Variants in ASIC2 observed in about 807,000 individuals in gnomAD.
The protein encoded by ASIC2 is acid-sensing ion channel 2.
A neutral mutation model predicts 57.3 loss-of-function variants in ASIC2; 25 were observed. The ratio of observed to expected loss-of-function variants is 0.44; its 90% CI spans 0.32 to 0.61. ASIC2 has a LOEUF of 0.61. Among genes scored for constraint, ASIC2 ranks in the 20% least tolerant of loss-of-function variants. The pLI is 0.06. For synonymous variants in ASIC2, 319 were observed against 307.5 expected (o/e 1.04, Z -0.39); for missense variants, 641 against 738.1 (o/e 0.87, Z 1.52).
At chr17:33,479,294 C>T (rs1034136520) in intron 1 of ASIC2, among the ~76,000 whole-genome samples, 2 of 152,112 alleles carry the variant, frequency 1.3e-5, no homozygotes, top group Non-Finnish European at 2.9e-5. Context: ...CCACCACGTC[C>T]GGCCCCTAGG....
At chr17:33,379,734 C>G (rs1909411171) in intron 1 of ASIC2, among the ~76,000 whole-genome samples, 1 of 152,196 alleles carries the variant, frequency 6.6e-6, no homozygotes, top group Admixed American at 6.5e-5. Flanking sequence ...AGTTACTGCT[C>G]TTATTCATTT....
intron 1 of ASIC2, among the ~76,000 whole-genome samples, chr17:33,199,279 C>T (rs1400082882): frequency 6.6e-6 from 1 of 152,226 alleles, no homozygotes; most frequent in Non-Finnish European, 1.5e-5. Flanking sequence ...ATTCCATCCA[C>T]AGCATGTCAA....
At chr17:33,362,507 G>A (rs1003366495) in intron 1 of ASIC2, among the ~76,000 whole-genome samples, 44 of 152,216 alleles carry the variant, frequency 2.9e-4, no homozygotes, top group African/African-American at 1.0e-3. Flanking sequence ...ACACAGTGTG[G>A]GGCAGAGGCC....
In ASIC2 at chr17:33,978,823, G is replaced by A. The variant is rs570906991; in HGVS notation, c.555+177155C>T. On this transcript the variant is annotated intron_variant, in intron 1 of 9. Coordinates refer to the ASIC2 transcript ENST00000359872. ...AAAGAGCTTCTAACCCCACCAGTGA[G>A]TCCTGGTGCCTATGGAGGGAGAGCG... Among the ~76,000 whole-genome samples the A allele has an allele frequency of 7.0e-4, 106 of 152,296 alleles. No individual in the cohort carries two copies. In the South Asian group the frequency reaches 0.022, roughly 32 times the overall value.
chr17:33,162,021 G>A (rs1247171818), intron 1 of ASIC2, among the ~76,000 whole-genome samples: 2 of 152,012 alleles, frequency 1.3e-5, no homozygotes, highest in Admixed American at 1.3e-4. Flanking sequence ...GCAACCATCT[G>A]GTCTTAGGCT....
intron 3 of ASIC2, among the ~76,000 whole-genome samples, chr17:33,071,709 T>C (rs571803058): frequency 1.3e-5 from 2 of 152,322 alleles, no homozygotes; most frequent in Non-Finnish European, 2.9e-5. Context: ...CTGGAACACA[T>C]TTAAGTTACT....
intron 1 of ASIC2, among the ~76,000 whole-genome samples, chr17:33,766,456 C>T (rs945578101): frequency 6.6e-6 from 1 of 152,168 alleles, no homozygotes; most frequent in African/African-American, 2.4e-5. Context: ...GGCAGTGGCA[C>T]CAGATAACAC....
chr17:33,389,351 A>G (rs1909809466), intron 1 of ASIC2, among the ~76,000 whole-genome samples: 1 of 152,210 alleles, frequency 6.6e-6, no homozygotes, highest in South Asian at 2.1e-4. Context: ...CTGAGTCTGA[A>G]CTTAACTGCA....
At chr17:33,379,426 G>C (rs1909398652) in intron 1 of ASIC2, among the ~76,000 whole-genome samples, 1 of 152,192 alleles carries the variant, frequency 6.6e-6, no homozygotes, top group African/African-American at 2.4e-5. Flanking sequence ...TTGGTTCTAA[G>C]CACTTTATCC....
At chr17:33,101,505 T>A (rs1026933385) in intron 2 of ASIC2, among the ~76,000 whole-genome samples, 2 of 152,208 alleles carry the variant, frequency 1.3e-5, no homozygotes, top group African/African-American at 4.8e-5. Context: ...TGGTATTTAC[T>A]TTCATATTTC....
intron 1 of ASIC2, among the ~76,000 whole-genome samples, chr17:33,506,529 T>C (rs538130262): frequency 6.6e-6 from 1 of 152,226 alleles, no homozygotes; most frequent in South Asian, 2.1e-4. Flanking sequence ...GCCCTAGGCA[T>C]CAATGAAAAA....
At chr17:33,513,594 C>T (rs893390620) in intron 1 of ASIC2, among the ~76,000 whole-genome samples, 9 of 152,326 alleles carry the variant, frequency 5.9e-5, no homozygotes, top group Non-Finnish European at 1.0e-4. Context: ...CAACTTCTGT[C>T]TGGTGCCAGC....
intron 3 of ASIC2, among the ~76,000 whole-genome samples, chr17:33,066,259 G>T (rs1192718068): frequency 6.6e-6 from 1 of 152,184 alleles, no homozygotes; most frequent in Non-Finnish European, 1.5e-5. Context: ...ACATCTGGGT[G>T]AAGACTTTTA....
At chr17:33,568,798 A>G (rs1436652286) in intron 1 of ASIC2, among the ~76,000 whole-genome samples, 1 of 152,226 alleles carries the variant, frequency 6.6e-6, no homozygotes, top group Non-Finnish European at 1.5e-5. Context: ...TATAGTTAGC[A>G]ATCAATAAAT....
At chr17:33,551,473 T>A (rs1915751063) in intron 1 of ASIC2, among the ~76,000 whole-genome samples, 1 of 152,180 alleles carries the variant, frequency 6.6e-6, no homozygotes, top group African/African-American at 2.4e-5. Flanking sequence ...AACTGCTACC[T>A]TCGTCAAGTC....
intron 1 of ASIC2, among the ~76,000 whole-genome samples, chr17:33,801,510 C>G (rs1336833803): frequency 6.6e-6 from 1 of 152,020 alleles, no homozygotes; most frequent in African/African-American, 2.4e-5. Flanking sequence ...TCAAAGTCTG[C>G]CACTTGATAT....
intron 1 of ASIC2, among the ~76,000 whole-genome samples, chr17:33,574,612 T>C (rs1243199309): frequency 1.3e-5 from 2 of 152,194 alleles, no homozygotes; most frequent in Non-Finnish European, 2.9e-5. Context: ...CATTGCCAAA[T>C]GTCCCCTGGG....
chr17:33,912,623 C>T (rs572617317), intron 1 of ASIC2, among the ~76,000 whole-genome samples: 1 of 152,152 alleles, frequency 6.6e-6, no homozygotes, highest in Non-Finnish European at 1.5e-5. Context: ...AAACCTCTGA[C>T]TTAAGGGAAT....
intron 1 of ASIC2, among the ~76,000 whole-genome samples, chr17:33,121,527 C>T (rs1215971765): frequency 6.6e-6 from 1 of 152,130 alleles, no homozygotes; most frequent in Non-Finnish European, 1.5e-5. Flanking sequence ...GACAGATCCC[C>T]TAGACTGGCT....
Sources: allele counts gnomAD v4.1 joint callset (sites outside exome capture counted in the v4.1 genomes callset), GRCh38; gene constraint gnomAD v4.1.1; transcripts MANE v1.5; gene names NCBI Gene and HGNC (gene_info 2026-07-23, HGNC 2026-07-21).